Variants in RFC1 observed in about 807,000 individuals in gnomAD.
RFC1 encodes A1 140 kDa subunit.
Under a neutral mutation model 137.4 loss-of-function variants are expected in RFC1, and 37 were observed. The ratio of observed to expected loss-of-function variants is 0.27; its 90% CI spans 0.21 to 0.35. The LOEUF is 0.35. Among genes scored for constraint, RFC1 ranks in the 10% least tolerant of loss-of-function variants. The probability of loss-of-function intolerance (pLI) is 1.00; values close to 1 mark genes in which losing one functional copy is unlikely to be tolerated. For synonymous variants in RFC1, 429 were observed against 455.7 expected (o/e 0.94, Z 0.75); for missense variants, 1,205 against 1,358.5 (o/e 0.89, Z 1.78).
Position 39,302,383 on chromosome 4 carries a change from G to T in RFC1, c.2437-7C>A, listed in dbSNP as rs1738405615. 1 of 1,603,814 alleles carries T rather than the reference G, an allele frequency of 6.2e-7. No individual in the cohort carries two copies. ...TACTCAGATTATGTAAAACCTAAAA[G>T]AATCACAAATAAGACAACGTCAAGA... On this transcript the variant is annotated splice_polypyrimidine_tract_variant and splice_region_variant and intron_variant, in intron 18 of 24. Coordinates refer to ENST00000349703, the MANE Select transcript of RFC1 (RefSeq NM_002913.5).
At chr4:39,292,003 T>C in intron 22 of RFC1, 151 bp from the exon 23 acceptor site, 1 of 637,744 alleles carries the variant, frequency 1.6e-6, no homozygotes, top group East Asian at 2.7e-5. Context: ...GCTGGTGTAG[T>C]TTAGAAAGCC....
At chr4:39,327,286 C>G (rs886326405) in intron 5 of RFC1, among the ~76,000 whole-genome samples, 3 of 152,106 alleles carry the variant, frequency 2.0e-5, no homozygotes, top group African/African-American at 7.2e-5. Context: ...GAATAATTAT[C>G]ATTTTTTCTT....
intron 2 of RFC1, among the ~76,000 whole-genome samples, chr4:39,345,708 G>A (rs1740825005): frequency 6.6e-6 from 1 of 152,088 alleles, no homozygotes; most frequent in South Asian, 2.1e-4. Flanking sequence ...TTTTAGTAGA[G>A]ACGGGGCTAT....
At chr4:39,348,041 G>A (rs985435778) in intron 2 of RFC1, among the ~76,000 whole-genome samples, 1 of 152,122 alleles carries the variant, frequency 6.6e-6, no homozygotes, top group East Asian at 1.9e-4. Flanking sequence ...CAAAACGGAA[G>A]AGATGAACTA....
Position 39,291,794 on chromosome 4 carries a change from G to C in RFC1, c.3013C>G (p.Leu1005Val). 1 of 1,614,098 alleles carries C rather than the reference G, an allele frequency of 6.2e-7. No homozygotes were observed. The highest frequency in any genetic ancestry group is 1.1e-5 in the South Asian group (1 of 91,088). Residue 1005 changes from leucine to valine, a missense_variant, in exon 23 of 25, where the codon CTT becomes GTT. By Grantham distance (32) the Leu-to-Val change is conservative. Coordinates refer to ENST00000349703, the MANE Select transcript of RFC1 (RefSeq NM_002913.5). ...MDYLSLLRDA[L>V]VQPLTSQGVD... ...CCTTGTGAGGTCAAGGGCTGTACAAGTGCATCCCTTAGAAGCGACAGATAA... is the reference window on the plus strand; with the variant it reads ...CCTTGTGAGGTCAAGGGCTGTACAACTGCATCCCTTAGAAGCGACAGATAA...
In RFC1 at chr4:39,304,887, G is replaced by T. The variant is rs763451713; in HGVS notation, c.2037C>A (p.Thr679=). Residue 679 remains threonine (T), a synonymous_variant, in exon 15 of 25, where the codon ACC becomes ACA. Transcript: ENST00000349703. ...TCGCCTTCAAACTGCTCTTACTCCGGGTGTCACTTGCATTCAGTTCCACGT... is the reference window on the plus strand; with the variant it reads ...TCGCCTTCAAACTGCTCTTACTCCGTGTGTCACTTGCATTCAGTTCCACGT... The part of the protein sequence containing the change: ...YSYVELNASD[T]RSKSSLKAIV... 5.0e-6 allele frequency: 8 copies of T among 1,613,296 alleles called. No individual in the cohort carries two copies. Among genetic ancestry groups the T allele is most frequent in the Non-Finnish European group, 5.9e-6 (7 of 1,179,356 alleles).
intron 10 of RFC1, among the ~76,000 whole-genome samples, chr4:39,314,594 C>T (rs912223008): frequency 3.3e-5 from 5 of 151,824 alleles, no homozygotes; most frequent in African/African-American, 1.2e-4. Flanking sequence ...GACTGAAGTC[C>T]TCTCAAGCAG....
chr4:39,295,716 T>A lies in RFC1; in HGVS notation c.2852A>T (p.Tyr951Phe), dbSNP rs777062272. The change falls in exon 22 of 25, where the codon TAC becomes TTC. Residue 951 changes from tyrosine (Y) to phenylalanine (F), a missense_variant. By Grantham distance (22) the Tyr-to-Phe change is conservative. This residue lies in a region of RFC1 where 237 missense variants were observed against 304.2 expected (regional missense o/e 0.78). Coordinates refer to ENST00000349703, the MANE Select transcript of RFC1 (RefSeq NM_002913.5). Reference sequence around the variant, plus strand: ...TGGGAAGGTGGGAAACTGGGTCATGTACCCCCTCATCAACTCTCCAGGAAG... The same window carrying A: ...TGGGAAGGTGGGAAACTGGGTCATGAACCCCCTCATCAACTCTCCAGGAAG... ...SVLPGELMRG[Y>F]MTQFPTFPSW... The A allele has an allele frequency of 6.2e-7, 1 of 1,613,562 alleles. No individual in the cohort carries two copies. Among genetic ancestry groups the A allele is most frequent in the African/African-American group, 1.3e-5 (1 of 74,898 alleles).
intron 2 of RFC1, among the ~76,000 whole-genome samples, chr4:39,349,341 TA>T (rs1393845192): frequency 6.6e-6 from 1 of 152,162 alleles, no homozygotes; most frequent in Non-Finnish European, 1.5e-5. Context: ...TTGGAACCTC[TA>T]AACAAGTAAT....
intron 22 of RFC1, among the ~76,000 whole-genome samples, chr4:39,294,223 C>T (rs1737850768): frequency 6.6e-6 from 1 of 152,078 alleles, no homozygotes; most frequent in Non-Finnish European, 1.5e-5. Context: ...AGAAAGAGAA[C>T]AAGATAATAA....
intron 22 of RFC1, chr4:39,292,098 A>G (rs1737711093): frequency 2.1e-6 from 1 of 467,516 alleles, no homozygotes; most frequent in African/African-American, 1.9e-5. Flanking sequence ...ACTGAAAAAC[A>G]TACGTGGATT....
chr4:39,340,660 C>T (rs1442746286), intron 4 of RFC1, among the ~76,000 whole-genome samples: 1 of 151,888 alleles, frequency 6.6e-6, no homozygotes, highest in African/African-American at 2.4e-5. Context: ...TTTTATTATG[C>T]CAATCTTATT....
At chr4:39,355,395 T>C (rs1277840543) in intron 1 of RFC1, among the ~76,000 whole-genome samples, 1 of 151,458 alleles carries the variant, frequency 6.6e-6, no homozygotes, top group Non-Finnish European at 1.5e-5. Flanking sequence ...ATCACACCAC[T>C]GTACTCCAGC....
intron 10 of RFC1, among the ~76,000 whole-genome samples, chr4:39,313,664 TA>T (rs1198509657): frequency 2.0e-5 from 3 of 151,878 alleles, no homozygotes; most frequent in African/African-American, 7.3e-5. Context: ...TAATGCTTAA[TA>T]AAAAATTTTT....
intron 22 of RFC1, 41 bp downstream of exon 22, chr4:39,295,573 C>A (rs774052986): frequency 1.3e-6 from 2 of 1,547,976 alleles, no homozygotes; most frequent in South Asian, 1.2e-5. Context: ...GCCAAATACA[C>A]CAAATCGATA....
intron 7 of RFC1, chr4:39,322,253 A>G (rs907039800): frequency 5.3e-5 from 8 of 152,058 alleles, no homozygotes; most frequent in Non-Finnish European, 1.0e-4. Flanking sequence ...AAAAAACACA[A>G]AATTATTAGC....
At chr4:39,326,832 T>C (rs893186817) in intron 5 of RFC1, among the ~76,000 whole-genome samples, 192 bp from the exon 6 acceptor site, 1 of 152,058 alleles carries the variant, frequency 6.6e-6, no homozygotes, top group African/African-American at 2.4e-5. Context: ...CTAATAAATA[T>C]CCTATAGACA....
chr4:39,350,876 C>A (rs1039009614), intron 2 of RFC1, among the ~76,000 whole-genome samples: 1 of 152,028 alleles, frequency 6.6e-6, no homozygotes, highest in African/African-American at 2.4e-5. Context: ...AAAAAATACA[C>A]ATCTATTTAA....
rs1019849908 is a variant in RFC1, at chr4:39,342,193, A to G, written c.331+152T>C. On this transcript the variant is annotated intron_variant, in intron 4 of 24. Coordinates refer to ENST00000349703, the MANE Select transcript of RFC1 (RefSeq NM_002913.5). ...GTCCTTAATCTACTGGAAATGCAAA[A>G]GATGATCCCAGCCTTCCCTGACAAA... 8 of 911,822 alleles carry G rather than the reference A, an allele frequency of 8.8e-6. No homozygotes were observed. In the African/African-American group the frequency reaches 1.2e-4, roughly 13 times the overall value. 56.5% of individuals were successfully genotyped at this position (911,822 alleles called of 1,614,324 possible). A position where few individuals can be genotyped will look rare whatever the true frequency, so the allele number is the denominator to read the frequency against.
Sources: gnomAD v4.1 joint callset for allele counts (sites outside exome capture counted in the v4.1 genomes callset) on GRCh38, gnomAD v4.1.1 for gene constraint, gnomAD v4.1.1 regional missense constraint, MANE v1.5 for transcripts, NCBI Gene and HGNC (gene_info 2026-07-23, HGNC 2026-07-21) for gene names.